The following NTNG1 variants were observed in gnomAD, a reference collection of about 807,000 sequenced individuals.
The protein encoded by NTNG1 is netrin G1.
In NTNG1, 16 loss-of-function variants were observed where a neutral mutation model predicts 54.0. The observed-to-expected ratio is 0.30, with a 90% CI of 0.20 to 0.45. The LOEUF (loss-of-function observed/expected upper bound fraction) is 0.45, where lower values mean the gene tolerates loss of function less well. Ranked by LOEUF, NTNG1 falls within the 20% of genes least tolerant of loss-of-function variation. NTNG1 has a pLI of 1.00. For missense variants in NTNG1, 530 were observed against 678.7 expected (o/e 0.78, Z 2.43); for synonymous variants, 255 against 263.1 (o/e 0.97, Z 0.30).
chr1:107,265,233 G>A (rs1347859766), intron 2 of NTNG1, among the ~76,000 whole-genome samples: 2 of 152,106 alleles, frequency 1.3e-5, no homozygotes, highest in Non-Finnish European at 2.9e-5. Context: ...AAATCAGTAG[G>A]AGGATAAGGA....
chr1:107,241,333 A>G (rs1661810200), intron 2 of NTNG1, among the ~76,000 whole-genome samples: 1 of 152,204 alleles, frequency 6.6e-6, no homozygotes, highest in South Asian at 2.1e-4. Context: ...ATAAATTACT[A>G]ATGGGTTCTT....
intron 5 of NTNG1, among the ~76,000 whole-genome samples, chr1:107,425,553 T>C (rs373170149): frequency 6.6e-6 from 1 of 152,152 alleles, no homozygotes; most frequent in Admixed American, 6.6e-5. Context: ...ATCATGTATA[T>C]GCACATTTTC....
chr1:107,409,930 G>T (rs997779111), intron 5 of NTNG1: 1 of 152,040 alleles, frequency 6.6e-6, no homozygotes, highest in Admixed American at 6.6e-5. Flanking sequence ...GCGTGCACTC[G>T]TGGATTCCTT....
chr1:107,319,831 C>T (rs1019975430), intron 2 of NTNG1, among the ~76,000 whole-genome samples: 2 of 149,512 alleles, frequency 1.3e-5, no homozygotes, highest in Admixed American at 6.7e-5. Context: ...TGATAGCAAC[C>T]GGAAGTGTTA....
At chr1:107,473,839 G>C (rs1678138476) in intron 7 of NTNG1, among the ~76,000 whole-genome samples, 1 of 152,096 alleles carries the variant, frequency 6.6e-6, no homozygotes, top group South Asian at 2.1e-4. Context: ...TTTCCACCAG[G>C]TTTCCACACT....
chr1:107,376,854 C>T (rs1420479049), intron 3 of NTNG1, among the ~76,000 whole-genome samples: 1 of 152,208 alleles, frequency 6.6e-6, no homozygotes, highest in South Asian at 2.1e-4. Flanking sequence ...CCGTCTTCCC[C>T]TACTGTTTAT....
intron 3 of NTNG1, among the ~76,000 whole-genome samples, chr1:107,328,547 C>A (rs1668093062): frequency 6.6e-6 from 1 of 151,962 alleles, no homozygotes; most frequent in African/African-American, 2.4e-5. Context: ...TTCTGAACAT[C>A]TTTTTATACA....
At chr1:107,141,496 G>A (rs990056329) in intron 1 of NTNG1, 8 of 151,394 alleles carry the variant, frequency 5.3e-5, no homozygotes, top group African/African-American at 1.9e-4. Context: ...ACTGCGACCC[G>A]AGCCTCTCGC....
At chr1:107,314,682 G>T (rs138956986) in intron 2 of NTNG1, among the ~76,000 whole-genome samples, 2 of 152,036 alleles carry the variant, frequency 1.3e-5, no homozygotes. Flanking sequence ...TGGCCTCTCC[G>T]CTGAGGTCTA....
intron 2 of NTNG1, among the ~76,000 whole-genome samples, chr1:107,191,257 C>A (rs1471118415): frequency 1.3e-5 from 2 of 151,538 alleles, no homozygotes; most frequent in Non-Finnish European, 2.9e-5. Flanking sequence ...ATCCTTTGCC[C>A]ACTTTTTGAT....
chr1:107,176,468 G>C (rs1294148927), intron 2 of NTNG1, among the ~76,000 whole-genome samples: 1 of 152,146 alleles, frequency 6.6e-6, no homozygotes, highest in Non-Finnish European at 1.5e-5. Context: ...AGGAATTCAA[G>C]GGTTGCCTTT....
chr1:107,436,864 G>T (rs141401930), intron 7 of NTNG1, 65 bp downstream of exon 7: 2 of 1,469,050 alleles, frequency 1.4e-6, no homozygotes, highest in African/African-American at 2.8e-5. Context: ...TGGCTAGGCC[G>T]GTGCGTGCAG....
At chr1:107,290,462 GAA>G (rs1665507548) in intron 2 of NTNG1, among the ~76,000 whole-genome samples, 3 of 151,350 alleles carry the variant, frequency 2.0e-5, no homozygotes, top group African/African-American at 7.4e-5. Flanking sequence ...GTGTGACCTT[GAA>G]TAAGCCATTT....
rs545233703 is a variant in NTNG1 at position 107,433,506 on chromosome 1, G to T, written c.1255+2589G>T. 5.9e-5 allele frequency among the ~76,000 whole-genome samples: 9 copies of T among 152,186 alleles called. 1 individual carries two copies. In the East Asian group the frequency reaches 1.4e-3, roughly 23 times the overall value. ...GGTTGCAGTGAGCTGAGAGAATAGC[G>T]CCACTGCACTCCAGCCTGGGCTACA... On this transcript the variant is annotated intron_variant, in intron 6 of 7. Coordinates refer to ENST00000370068, the MANE Select transcript of NTNG1 (RefSeq NM_001113226.3).
At chr1:107,362,854 C>T (rs765320887) in intron 3 of NTNG1, among the ~76,000 whole-genome samples, 4 of 152,100 alleles carry the variant, frequency 2.6e-5, no homozygotes, top group Non-Finnish European at 5.9e-5. Flanking sequence ...GTTTCCCTAC[C>T]CTTCTTAACA....
intron 2 of NTNG1, among the ~76,000 whole-genome samples, chr1:107,168,191 C>G (rs552348247): frequency 1.3e-5 from 2 of 151,770 alleles, no homozygotes; most frequent in Admixed American, 1.3e-4. Context: ...TTCCTTCCTT[C>G]TTTCTCTTTT....
At chr1:107,175,805 T>G (rs1185343084) in intron 2 of NTNG1, among the ~76,000 whole-genome samples, 3 of 152,178 alleles carry the variant, frequency 2.0e-5, no homozygotes, top group Admixed American at 2.0e-4. Context: ...GGCATAAAAA[T>G]TCCAGATTCA....
chr1:107,450,528 TACAA>T (rs1676560746), intron 7 of NTNG1, among the ~76,000 whole-genome samples: 1 of 152,014 alleles, frequency 6.6e-6, no homozygotes, highest in Non-Finnish European at 1.5e-5. Context: ...GAAATCAATT[TACAA>T]ACAAATGACA....
In NTNG1 at chr1:107,426,431, TC is replaced by T. The variant is rs534467134; in HGVS notation, c.1088-4315del. 2.0e-3 allele frequency among the ~76,000 whole-genome samples: 299 copies of T among 152,234 alleles called. 4 individuals carry two copies. Among genetic ancestry groups the T allele is most frequent in the East Asian group, 3.1e-3 (16 of 5,190 alleles). On this transcript the variant is annotated intron_variant, in intron 5 of 7. Coordinates refer to ENST00000370068, the MANE Select transcript of NTNG1 (RefSeq NM_001113226.3). ...CACTGTTTATTGAATAGGGTGCTTT[TC>T]CCCATTGCTTAGTTTTGTCCACTTT... is the stretch of plus-strand genomic sequence containing the variant.
Sources: allele counts gnomAD v4.1 joint callset (sites outside exome capture counted in the v4.1 genomes callset), GRCh38; gene constraint gnomAD v4.1.1; transcripts MANE v1.5; gene names NCBI Gene and HGNC (gene_info 2026-07-23, HGNC 2026-07-21).